Variants in NLGN1 observed in about 807,000 individuals in gnomAD.
The protein encoded by NLGN1 is neuroligin 1.
NLGN1 carries 12 observed loss-of-function variants against 65.5 expected under a neutral mutation model. The ratio of observed to expected loss-of-function variants is 0.18; its 90% CI spans 0.12 to 0.30. NLGN1 has a LOEUF of 0.30. Among genes scored for constraint, NLGN1 ranks in the 10% least tolerant of loss-of-function variants. The probability of loss-of-function intolerance (pLI) is 1.00; values close to 1 mark genes in which losing one functional copy is unlikely to be tolerated. For synonymous variants in NLGN1, 350 were observed against 359.5 expected (o/e 0.97, Z 0.30); for missense variants, 750 against 1,007.1 (o/e 0.74, Z 3.46).
At chr3:173,651,024 C>T (rs139207998) in intron 3 of NLGN1, among the ~76,000 whole-genome samples, 1,635 of 151,744 alleles carry the variant, frequency 0.011, 18 homozygotes, top group Middle Eastern at 0.031. Flanking sequence ...TTAATGTAAG[C>T]CTCACTTGAA....
At chr3:173,773,629 A>C (rs1779894161) in intron 3 of NLGN1, among the ~76,000 whole-genome samples, 1 of 152,054 alleles carries the variant, frequency 6.6e-6, no homozygotes, top group Non-Finnish European at 1.5e-5. Context: ...ATAATAATTA[A>C]ATTAAGTACC....
At chr3:173,879,601 G>A (rs1732830974) in intron 4 of NLGN1, among the ~76,000 whole-genome samples, 1 of 150,706 alleles carries the variant, frequency 6.6e-6, no homozygotes, top group Non-Finnish European at 1.5e-5. Context: ...TTCATTAGTT[G>A]CCTCTTCTAT....
At chr3:173,667,732 T>G (rs1761910128) in intron 3 of NLGN1, among the ~76,000 whole-genome samples, 1 of 152,038 alleles carries the variant, frequency 6.6e-6, no homozygotes, top group Admixed American at 6.6e-5. Context: ...TGGGTTCAAG[T>G]GATTCTCCTG....
intron 4 of NLGN1, among the ~76,000 whole-genome samples, chr3:174,142,720 G>A (rs562136870): frequency 1.3e-5 from 2 of 152,254 alleles, no homozygotes; most frequent in East Asian, 3.9e-4. Context: ...TAGGACATTT[G>A]AAATAGGAAT....
chr3:174,018,414 A>G (rs1228980664), intron 4 of NLGN1, among the ~76,000 whole-genome samples: 1 of 152,184 alleles, frequency 6.6e-6, no homozygotes, highest in East Asian at 1.9e-4. Context: ...ATAAGTGTCC[A>G]TGAAATCTTC....
intron 3 of NLGN1, among the ~76,000 whole-genome samples, chr3:173,638,335 A>G (rs1218702714): frequency 6.6e-6 from 1 of 151,632 alleles, no homozygotes; most frequent in Non-Finnish European, 1.5e-5. Flanking sequence ...CAATAGACAG[A>G]TGTTGATTTT....
chr3:174,140,651 A>G (rs1398436161), intron 4 of NLGN1, among the ~76,000 whole-genome samples: 1 of 152,140 alleles, frequency 6.6e-6, no homozygotes, highest in Non-Finnish European at 1.5e-5. Context: ...CCACGTTACT[A>G]TATGTCATCT....
intron 4 of NLGN1, among the ~76,000 whole-genome samples, chr3:174,084,250 C>A (rs1344611766): frequency 6.6e-6 from 1 of 152,018 alleles, no homozygotes; most frequent in African/African-American, 2.4e-5. Context: ...AAAGAGTTTT[C>A]CTCCTTTACA....
chr3:173,693,021 G>A (rs2149833689), intron 3 of NLGN1, among the ~76,000 whole-genome samples: 1 of 152,184 alleles, frequency 6.6e-6, no homozygotes. Flanking sequence ...CAAATTGGTG[G>A]CCTAAAGAGA....
chr3:174,155,566 A>G (rs1010117354), intron 4 of NLGN1, among the ~76,000 whole-genome samples: 10 of 151,928 alleles, frequency 6.6e-5, no homozygotes, highest in Non-Finnish European at 1.2e-4. Flanking sequence ...TCAATGTTCT[A>G]TCAAATAACA....
At chr3:173,597,828 A>T (rs1749751311) in intron 2 of NLGN1, among the ~76,000 whole-genome samples, 2 of 152,030 alleles carry the variant, frequency 1.3e-5, no homozygotes, top group Non-Finnish European at 2.9e-5. Context: ...TCATTGCATT[A>T]TTCACTAATA....
intron 4 of NLGN1, among the ~76,000 whole-genome samples, chr3:174,172,896 A>G (rs1457126602): frequency 6.6e-6 from 1 of 152,126 alleles, no homozygotes; most frequent in Non-Finnish European, 1.5e-5. Flanking sequence ...AAATCCATAG[A>G]TGGCTGTGGG....
intron 4 of NLGN1, among the ~76,000 whole-genome samples, chr3:173,963,504 A>G (rs531609013): frequency 1.3e-5 from 2 of 152,240 alleles, no homozygotes; most frequent in Admixed American, 6.5e-5. Flanking sequence ...GGTCTGACTG[A>G]GTTATAATTT....
intron 3 of NLGN1, among the ~76,000 whole-genome samples, chr3:173,690,063 T>A (rs1765237766): frequency 6.6e-6 from 1 of 152,194 alleles, no homozygotes; most frequent in Admixed American, 6.5e-5. Context: ...ACTTAGAATT[T>A]TCCGAATATT....
At chr3:174,156,785 A>G (rs1725528717) in intron 4 of NLGN1, among the ~76,000 whole-genome samples, 1 of 151,710 alleles carries the variant, frequency 6.6e-6, no homozygotes, top group Non-Finnish European at 1.5e-5. Context: ...AATGTAAAAC[A>G]AAACATTATC....
chr3:174,228,208 G>C (rs988138672), intron 4 of NLGN1, among the ~76,000 whole-genome samples: 8 of 151,984 alleles, frequency 5.3e-5, no homozygotes, highest in African/African-American at 1.9e-4. Flanking sequence ...TTTTGGAGGA[G>C]CACTGCTGTT....
intron 2 of NLGN1, among the ~76,000 whole-genome samples, chr3:173,603,112 T>C (rs985207924): frequency 5.9e-5 from 9 of 152,126 alleles, no homozygotes; most frequent in African/African-American, 2.2e-4. Context: ...CAGGGCAGTC[T>C]CACTGCCAGA....
chr3:173,712,239 T>C (rs1375904058), intron 3 of NLGN1, among the ~76,000 whole-genome samples: 1 of 152,162 alleles, frequency 6.6e-6, no homozygotes, highest in East Asian at 1.9e-4. Context: ...GTGAGGTAAG[T>C]ATTGTACTTG....
intron 4 of NLGN1, among the ~76,000 whole-genome samples, chr3:173,878,244 G>A (rs192149230): frequency 2.0e-5 from 3 of 152,040 alleles, no homozygotes; most frequent in African/African-American, 7.2e-5. Flanking sequence ...GTTTCACCAG[G>A]TTGGTCAGGC....
Sources: gnomAD v4.1 joint callset for allele counts (sites outside exome capture counted in the v4.1 genomes callset) on GRCh38, gnomAD v4.1.1 for gene constraint, MANE v1.5 for transcripts, NCBI Gene and HGNC (gene_info 2026-07-23, HGNC 2026-07-21) for gene names.